Variants in DGLUCY observed in about 807,000 individuals in gnomAD.
DGLUCY encodes the protein D-glutamate cyclase, mitochondrial.
In DGLUCY, 58 loss-of-function variants were observed where a neutral mutation model predicts 58.5. That is an observed-to-expected ratio of 0.99 (90% CI 0.80 to 1.23). The LOEUF (loss-of-function observed/expected upper bound fraction) is 1.23, where lower values mean the gene tolerates loss of function less well. Ranked by LOEUF, DGLUCY falls within the 50% of genes most tolerant of loss-of-function variation. The pLI is 0.00. For missense variants in DGLUCY, 779 were observed against 784.7 expected (o/e 0.99, Z 0.09); for synonymous variants, 325 against 314.1 (o/e 1.03, Z -0.37).
At chr14:91,100,399 G>A (rs1451207713) in intron 1 of DGLUCY, among the ~76,000 whole-genome samples, 1 of 152,182 alleles carries the variant, frequency 6.6e-6, no homozygotes, top group African/African-American at 2.4e-5. Flanking sequence ...AATCCAAACA[G>A]CTGTGAGTTG....
At chr14:91,190,134 C>A (rs983871428) in intron 9 of DGLUCY, among the ~76,000 whole-genome samples, 1 of 151,508 alleles carries the variant, frequency 6.6e-6, no homozygotes, top group Non-Finnish European at 1.5e-5. Context: ...ACTACAGGCG[C>A]CCGCTACCAC....
chr14:91,217,425 G>T (rs1886720101), intron 13 of DGLUCY, among the ~76,000 whole-genome samples: 1 of 152,032 alleles, frequency 6.6e-6, no homozygotes, highest in African/African-American at 2.4e-5. Flanking sequence ...CCAGTGGGCA[G>T]GCCCGATAGC....
At chr14:91,074,105 ATAT>A (rs1249911868) in intron 1 of DGLUCY, among the ~76,000 whole-genome samples, 18 of 94,858 alleles carry the variant, frequency 1.9e-4, no homozygotes, top group African/African-American at 7.3e-4. Flanking sequence ...AAAAAAAAAA[ATAT>A]ATATATATAT....
chr14:91,176,987 GTCTTTCTTTCTTTC>G lies in DGLUCY; in HGVS notation c.730+947_730+960del, dbSNP rs370925426. On this transcript the variant is annotated intron_variant, in intron 7 of 13. Coordinates refer to ENST00000256324, the MANE Select transcript of DGLUCY (RefSeq NM_001102368.3). ...CTCTCTCTCCCTTCCTTCTTGTCTTGTCTTTCTTTCTTTCTCTTTCTTTCTTTCTTTCACAGAGT... is the reference window on the plus strand; with the variant it reads ...CTCTCTCTCCCTTCCTTCTTGTCTTGTCTTTCTTTCTTTCTTTCACAGAGT... 4.9e-3 allele frequency among the ~76,000 whole-genome samples: 738 copies of G among 150,016 alleles called. 4 individuals are homozygous for G. The highest frequency in any genetic ancestry group is 0.016 in the African/African-American group (647 of 40,676).
intron 6 of DGLUCY, among the ~76,000 whole-genome samples, chr14:91,175,380 C>T (rs2048799393): frequency 6.6e-6 from 1 of 152,146 alleles, no homozygotes; most frequent in African/African-American, 2.4e-5. Flanking sequence ...TAACCGACAA[C>T]ATTAGACAGA....
At chr14:91,100,995 C>T (rs2044476798) in intron 1 of DGLUCY, among the ~76,000 whole-genome samples, 1 of 151,850 alleles carries the variant, frequency 6.6e-6, no homozygotes, top group African/African-American at 2.4e-5. Context: ...CTCTTGAACT[C>T]GTGAGGCAGA....
intron 8 of DGLUCY, among the ~76,000 whole-genome samples, chr14:91,185,265 A>G (rs1400059839): frequency 2.5e-5 from 3 of 119,690 alleles, no homozygotes; most frequent in Non-Finnish European, 3.4e-5. Context: ...CACCGTGCCC[A>G]GCCGGATTTT....
chr14:91,116,329 T>C (rs1185424939), intron 1 of DGLUCY, among the ~76,000 whole-genome samples: 5 of 152,238 alleles, frequency 3.3e-5, no homozygotes, highest in African/African-American at 9.6e-5. Context: ...ATGAAGTCTG[T>C]AATTTGGATC....
intron 1 of DGLUCY, among the ~76,000 whole-genome samples, chr14:91,144,219 AGATTCTAC>A (rs2046891634): frequency 2.0e-5 from 3 of 152,144 alleles, no homozygotes; most frequent in Admixed American, 6.5e-5. Context: ...TGGTTTCAGG[AGATTCTAC>A]TGGCCGTTTG....
chr14:91,145,296 T>G (rs534691869), intron 1 of DGLUCY: 1 of 152,312 alleles, frequency 6.6e-6, no homozygotes, highest in South Asian at 2.1e-4. Context: ...GGCTGTTGAC[T>G]CCAAAGCTGA....
At chr14:91,159,603 C>T (rs944574500) in intron 2 of DGLUCY, among the ~76,000 whole-genome samples, 2 of 152,118 alleles carry the variant, frequency 1.3e-5, no homozygotes, top group African/African-American at 4.8e-5. Context: ...TAAAAATCTA[C>T]AATATCTATT....
upstream of DGLUCY, among the ~76,000 whole-genome samples, chr14:91,113,129 A>T (rs1453573734): frequency 6.6e-6 from 1 of 151,712 alleles, no homozygotes; most frequent in Non-Finnish European, 1.5e-5. Flanking sequence ...GTGAAACCCC[A>T]TCTCTACTAA....
chr14:91,161,809 CATTT>C (rs757034114), intron 3 of DGLUCY, among the ~76,000 whole-genome samples: 7 of 22,482 alleles, frequency 3.1e-4, no homozygotes, highest in South Asian at 2.6e-3. Flanking sequence ...CGATTTTTGC[CATTT>C]TTTTTTTTTT....
At chr14:91,199,647 A>C in intron 10 of DGLUCY, 110 bp from the exon 11 acceptor site, 1 of 1,263,144 alleles carries the variant, frequency 7.9e-7, no homozygotes, top group Non-Finnish European at 1.1e-6. Context: ...GGAATGAAGG[A>C]ATCAAAGAAA....
intron 1 of DGLUCY, among the ~76,000 whole-genome samples, chr14:91,071,016 T>C (rs1238499299): frequency 6.6e-6 from 1 of 152,232 alleles, no homozygotes; most frequent in East Asian, 1.9e-4. Flanking sequence ...GAATTTTATA[T>C]TTTGCCAAAT....
intron 1 of DGLUCY, among the ~76,000 whole-genome samples, chr14:91,080,748 A>AG (rs2044109951): frequency 1.3e-5 from 1 of 78,166 alleles, no homozygotes; most frequent in African/African-American, 5.2e-5. Context: ...TCAACTATCT[A>AG]TATGAAACCA....
intron 13 of DGLUCY, chr14:91,220,416 A>G (rs1567018936): frequency 2.2e-6 from 1 of 445,584 alleles, no homozygotes; most frequent in Non-Finnish European, 4.5e-6. Flanking sequence ...CCTTCTTATC[A>G]TGACAAGGTC....
chr14:91,112,036 G>A (rs1595658817), upstream of DGLUCY, among the ~76,000 whole-genome samples: 1 of 151,680 alleles, frequency 6.6e-6, no homozygotes, highest in East Asian at 1.9e-4. Context: ...TCGGGAGTTC[G>A]AGACCAGCCT....
At chr14:91,170,238 G>T (rs767924263) in intron 5 of DGLUCY, 37 bp downstream of exon 5, 3 of 1,592,622 alleles carry the variant, frequency 1.9e-6, no homozygotes, top group Non-Finnish European at 2.6e-6. Context: ...GGGCAGAATG[G>T]CCTGAAGATG....
Sources: allele counts gnomAD v4.1 joint callset (sites outside exome capture counted in the v4.1 genomes callset), GRCh38; gene constraint gnomAD v4.1.1; transcripts MANE v1.5; gene names NCBI Gene and HGNC (gene_info 2026-07-23, HGNC 2026-07-21).